Variants in ANKRD11 observed in about 807,000 individuals in gnomAD.
The protein encoded by ANKRD11 is ankyrin repeat domain 11.
ANKRD11 carries 17 observed loss-of-function variants against 195.7 expected under a neutral mutation model. The ratio of observed to expected loss-of-function variants is 0.09; its 90% CI spans 0.06 to 0.13. ANKRD11 has a LOEUF of 0.13. Among genes scored for constraint, ANKRD11 ranks in the 10% least tolerant of loss-of-function variants. The pLI, the probability that ANKRD11 is intolerant of heterozygous loss-of-function variation, is 1.00. For missense variants in ANKRD11, 3,735 were observed against 3,566.1 expected, an observed-to-expected ratio of 1.05 and a Z score of -1.21; for synonymous variants, 1,953 against 1,528.1, an observed-to-expected ratio of 1.28 and a Z score of -6.49.
chr16:89,285,346 G>A lies in ANKRD11; in HGVS notation c.1196C>T (p.Pro399Leu). 1 of 1,613,906 alleles carries A rather than the reference G, an allele frequency of 6.2e-7. No individual in the cohort carries two copies. The highest frequency in any genetic ancestry group is 8.5e-7 in the Non-Finnish European group (1 of 1,180,012). The stretch of plus-strand genomic sequence containing the variant: ...CAGGATACGATGGGACGCTTTCTTT[G>A]GTGCAATCGTGTTATTTTTAGTGTA... ...KSYTKNNTIA[P>L]KKASHRILSD... Residue 399 changes from proline to leucine, a missense_variant, in exon 9 of 13, where the codon CCA becomes CTA. By Grantham distance (98) the Pro-to-Leu change is moderately conservative. Transcript: ENST00000301030. This position sits in a 1 kb window ranked among gnomAD's most constrained non-coding sequence, Gnocchi z 5.6.
chr16:89,310,891 A>C (rs191211685), intron 3 of ANKRD11, among the ~76,000 whole-genome samples: 17 of 152,318 alleles, frequency 1.1e-4, no homozygotes, highest in Admixed American at 2.0e-4. Context: ...TTTCCTCTTC[A>C]GTCTGACTTT....
At chr16:89,440,354 T>A (rs2043395904) in intron 1 of ANKRD11, among the ~76,000 whole-genome samples, 1 of 152,088 alleles carries the variant, frequency 6.6e-6, no homozygotes, top group South Asian at 2.1e-4. Flanking sequence ...AGGCCTGTAA[T>A]CCCAGAACTC....
intron 1 of ANKRD11, among the ~76,000 whole-genome samples, chr16:89,440,069 C>G (rs2043380642): frequency 1.3e-5 from 2 of 152,170 alleles, no homozygotes; most frequent in Non-Finnish European, 2.9e-5. Context: ...AGATCACAGC[C>G]TTTCAGGACT....
At chr16:89,402,908 C>A (rs978515282) in intron 2 of ANKRD11, among the ~76,000 whole-genome samples, 10 of 152,112 alleles carry the variant, frequency 6.6e-5, no homozygotes, top group African/African-American at 2.4e-4. Context: ...TCAGGGCCAG[C>A]ACTGCGCCAC....
rs1567567505 is a variant in ANKRD11, at chr16:89,281,746, T to C, written c.4796A>G (p.Lys1599Arg). Residue 1599 changes from lysine to arginine, a missense_variant, in exon 9 of 13, where the codon AAG becomes AGG. Transcript: ENST00000301030. The surrounding 1 kb of genome is among the most constrained non-coding windows in gnomAD (Gnocchi z 5.5). Reference protein sequence around the residue: ...QKDLEIEERHKRHKERMKQME... With the variant: ...QKDLEIEERHRRHKERMKQME... ...TTGCTTCATCCTCTCCTTGTGCCGC[T>C]TGTGGCGCTCCTCGATCTCCAGGTC... 11 of 1,613,990 alleles carry C rather than the reference T, an allele frequency of 6.8e-6. No individual in the cohort carries two copies. Among genetic ancestry groups the C allele is most frequent in the Middle Eastern group, 1.7e-4 (1 of 6,060 alleles).
intron 4 of ANKRD11, among the ~76,000 whole-genome samples, chr16:89,297,148 C>CAAAT (rs1386287963): frequency 1.3e-5 from 2 of 152,236 alleles, no homozygotes; most frequent in African/African-American, 4.8e-5. Context: ...CTCATCTGAA[C>CAAAT]AAATGCCTTT....
chr16:89,424,302 G>A (rs1294742559), intron 1 of ANKRD11, among the ~76,000 whole-genome samples: 3 of 152,060 alleles, frequency 2.0e-5, no homozygotes, highest in East Asian at 1.9e-4. Context: ...TTAGCCAGGC[G>A]TGGTGGCGCA....
intron 1 of ANKRD11, among the ~76,000 whole-genome samples, chr16:89,440,374 G>A (rs2043397091): frequency 6.6e-6 from 1 of 152,216 alleles, no homozygotes; most frequent in Admixed American, 6.5e-5. Flanking sequence ...CTGGAAGGCT[G>A]AGGGGGGAGG....
rs1284978963 is a variant in ANKRD11, at chr16:89,270,807, C to A, written c.7806+10G>T. ...CCCCAGGCAGAACTGAGGGGACGCG[C>A]AACACCGACCTTCATGCGGTCATAC... On this transcript the variant is annotated intron_variant, in intron 12 of 12. Transcript: ENST00000301030. The A allele has an allele frequency of 6.2e-7, 1 of 1,612,922 alleles. No homozygotes were observed.
chr16:89,490,040 G>A (rs868700923), intron 1 of ANKRD11, among the ~76,000 whole-genome samples: 9 of 109,356 alleles, frequency 8.2e-5, no homozygotes, highest in Admixed American at 2.9e-4. Context: ...ACCCGGACCC[G>A]TAGGCCCGCT....
intron 1 of ANKRD11, among the ~76,000 whole-genome samples, chr16:89,460,921 G>A (rs1198409647): frequency 6.7e-6 from 1 of 149,580 alleles, no homozygotes; most frequent in Non-Finnish European, 1.5e-5. Context: ...CAGGAGAGGT[G>A]CCTTGGACAG....
intron 2 of ANKRD11, among the ~76,000 whole-genome samples, chr16:89,406,036 G>A (rs1386265350): frequency 2.7e-5 from 4 of 147,478 alleles, no homozygotes; most frequent in South Asian, 2.1e-4. Context: ...CCTGAACCCC[G>A]AAGGCAGAGG....
chr16:89,338,205 T>C (rs2038474578), intron 2 of ANKRD11, among the ~76,000 whole-genome samples: 1 of 151,358 alleles, frequency 6.6e-6, no homozygotes, highest in Non-Finnish European at 1.5e-5. Context: ...TGCCGGGGGG[T>C]GGGACCTCTG....
At chr16:89,429,279 C>T (rs1269965270) in intron 1 of ANKRD11, among the ~76,000 whole-genome samples, 3 of 88,746 alleles carry the variant, frequency 3.4e-5, no homozygotes, top group African/African-American at 7.8e-5. Flanking sequence ...CACGCTCAGA[C>T]GTTCTAGTAC....
intron 2 of ANKRD11, among the ~76,000 whole-genome samples, chr16:89,344,834 G>T (rs1215383130): frequency 6.6e-6 from 1 of 152,224 alleles, no homozygotes; most frequent in Non-Finnish European, 1.5e-5. Context: ...CGAGGCGTGA[G>T]ACTCTCAACC....
intron 3 of ANKRD11, among the ~76,000 whole-genome samples, chr16:89,315,025 G>T (rs2036861802): frequency 6.6e-6 from 1 of 152,144 alleles, no homozygotes; most frequent in South Asian, 2.1e-4. Context: ...GACGTTCTGA[G>T]GTCCTGGGAC....
chr16:89,368,734 C>T (rs2040062278), intron 2 of ANKRD11, among the ~76,000 whole-genome samples: 1 of 151,808 alleles, frequency 6.6e-6, no homozygotes, highest in Admixed American at 6.6e-5. Flanking sequence ...ACAGTGAGAC[C>T]AGTTTCTAAA....
intron 2 of ANKRD11, among the ~76,000 whole-genome samples, chr16:89,407,052 G>A (rs954102916): frequency 6.6e-6 from 1 of 152,048 alleles, no homozygotes; most frequent in African/African-American, 2.4e-5. Context: ...CGGACATGGT[G>A]GCAGGCATCT....
At chr16:89,324,586 T>C (rs1022570946) in intron 2 of ANKRD11, 3 of 450,212 alleles carry the variant, frequency 6.7e-6, no homozygotes, top group Non-Finnish European at 1.3e-5. Context: ...GGGGGCATGA[T>C]CTCATCAGCT....
Sources: gnomAD v4.1 joint callset for allele counts (sites outside exome capture counted in the v4.1 genomes callset) on GRCh38, gnomAD v4.1.1 for gene constraint, Gnocchi (gnomAD v3.1) non-coding constraint, MANE v1.5 for transcripts, NCBI Gene and HGNC (gene_info 2026-07-23, HGNC 2026-07-21) for gene names.